TMEM132D: variants seen among roughly 807,000 people sequenced by gnomAD.
TMEM132D encodes the protein transmembrane protein 132D.
TMEM132D carries 21 observed loss-of-function variants against 62.3 expected under a neutral mutation model. The ratio of observed to expected loss-of-function variants is 0.34; its 90% CI spans 0.24 to 0.49. The LOEUF is 0.49. TMEM132D is among the 20% of genes least tolerant of loss of function. TMEM132D has a pLI of 0.99. For missense variants in TMEM132D, 1,346 were observed against 1,402.8 expected, an observed-to-expected ratio of 0.96 and a Z score of 0.65; for synonymous variants, 621 against 575.6, an observed-to-expected ratio of 1.08 and a Z score of -1.13.
At chr12:129,167,060 T>C (rs886283208) in intron 5 of TMEM132D, among the ~76,000 whole-genome samples, 1 of 151,002 alleles carries the variant, frequency 6.6e-6, no homozygotes, top group African/African-American at 2.4e-5. Context: ...CTTTGGAGGC[T>C]GAGGTGGGAG....
At chr12:129,543,355 T>TG (rs1193590091) in intron 2 of TMEM132D, among the ~76,000 whole-genome samples, 2 of 147,662 alleles carry the variant, frequency 1.4e-5, no homozygotes, top group African/African-American at 5.1e-5. Flanking sequence ...GGTGGATGAG[T>TG]GGGTGGATGG....
In TMEM132D at chr12:129,321,562, C is replaced by CTT. The variant is rs796228512; in HGVS notation, c.1299+16070_1299+16071dup. Among the ~76,000 whole-genome samples the CTT allele has an allele frequency of 1.4e-3, 203 of 145,908 alleles. 1 individual carries two copies. The highest frequency in any genetic ancestry group is 4.8e-3 in the African/African-American group (191 of 40,126). On this transcript the variant is annotated intron_variant, in intron 4 of 8. Transcript: ENST00000422113. ...GACCATGGCATGAGGCAGATCTTTT[C>CTT]TTTTTTTTTTTTGAGACGGAGTCTC...
intron 2 of TMEM132D, among the ~76,000 whole-genome samples, chr12:129,636,847 T>C (rs1299796860): frequency 3.3e-5 from 5 of 152,062 alleles, no homozygotes; most frequent in Non-Finnish European, 7.4e-5. Flanking sequence ...GAGTGAATTT[T>C]TCTCCATATT....
chr12:129,108,229 C>T (rs1482574019), intron 5 of TMEM132D, among the ~76,000 whole-genome samples: 2 of 152,208 alleles, frequency 1.3e-5, no homozygotes, highest in African/African-American at 4.8e-5. Context: ...CACAGACCTT[C>T]CACCCATCTT....
chr12:129,272,980 G>T (rs1217702183), intron 4 of TMEM132D, among the ~76,000 whole-genome samples: 1 of 151,794 alleles, frequency 6.6e-6, no homozygotes, highest in Non-Finnish European at 1.5e-5. Context: ...TGGATCACTT[G>T]AGGTCAGGAG....
chr12:129,283,763 A>G (rs1881221881), intron 4 of TMEM132D, among the ~76,000 whole-genome samples: 1 of 152,134 alleles, frequency 6.6e-6, no homozygotes, highest in African/African-American at 2.4e-5. Context: ...AGACAGAGGC[A>G]TTTTGTCCAA....
intron 5 of TMEM132D, among the ~76,000 whole-genome samples, chr12:129,145,218 A>T (rs938562760): frequency 6.6e-6 from 1 of 152,002 alleles, no homozygotes; most frequent in South Asian, 2.1e-4. Context: ...TTTTCATTTC[A>T]TTGTGTTCTC....
At chr12:129,655,273 G>A (rs1178576561) in intron 2 of TMEM132D, among the ~76,000 whole-genome samples, 1 of 141,742 alleles carries the variant, frequency 7.1e-6, no homozygotes, top group Non-Finnish European at 1.5e-5. Context: ...TTGAGAATGA[G>A]TCTCACTCTG....
intron 3 of TMEM132D, among the ~76,000 whole-genome samples, chr12:129,524,937 T>C (rs1875973013): frequency 7.8e-6 from 1 of 127,436 alleles, no homozygotes; most frequent in Non-Finnish European, 1.7e-5. Context: ...CTTTTTTTTT[T>C]TTTTTTTGAG....
At chr12:129,518,018 C>A (rs1328678394) in intron 3 of TMEM132D, among the ~76,000 whole-genome samples, 1 of 151,978 alleles carries the variant, frequency 6.6e-6, no homozygotes, top group Admixed American at 6.5e-5. Context: ...ACTTAAATGC[C>A]AACACAAAAA....
chr12:129,824,914 C>A (rs1188379650), intron 1 of TMEM132D, among the ~76,000 whole-genome samples: 1 of 152,114 alleles, frequency 6.6e-6, no homozygotes, highest in Non-Finnish European at 1.5e-5. Flanking sequence ...GCTCTTTTTC[C>A]TTAAGGGATG....
intron 2 of TMEM132D, among the ~76,000 whole-genome samples, chr12:129,566,716 A>C (rs983024537): frequency 6.6e-6 from 1 of 152,188 alleles, no homozygotes; most frequent in Non-Finnish European, 1.5e-5. Flanking sequence ...TTCCTGATTG[A>C]GGAGAGAATT....
At chr12:129,891,571 G>GC (rs1874926253) in intron 1 of TMEM132D, among the ~76,000 whole-genome samples, 1 of 152,158 alleles carries the variant, frequency 6.6e-6, no homozygotes, top group Admixed American at 6.5e-5. Flanking sequence ...AGCCCTTTCA[G>GC]GAAAGAACTT....
At chr12:129,678,870 A>G (rs866764512) in intron 2 of TMEM132D, among the ~76,000 whole-genome samples, 1 of 152,032 alleles carries the variant, frequency 6.6e-6, no homozygotes, top group Non-Finnish European at 1.5e-5. Context: ...GTCATTTTTG[A>G]AAAATATATT....
At chr12:129,329,099 C>G (rs905097990) in intron 4 of TMEM132D, among the ~76,000 whole-genome samples, 2 of 151,588 alleles carry the variant, frequency 1.3e-5, no homozygotes, top group Admixed American at 6.6e-5. Flanking sequence ...GCTGCAGGTA[C>G]CATGGCTGAT....
chr12:129,569,356 CA>C (rs149422581), intron 2 of TMEM132D, among the ~76,000 whole-genome samples: 5,646 of 151,730 alleles, frequency 0.037, 336 homozygotes, highest in African/African-American at 0.12. Context: ...TGCACAGGTA[CA>C]AAAAAAATGG....
intron 1 of TMEM132D, chr12:129,853,504 C>T (rs1873612052): frequency 6.6e-6 from 1 of 152,194 alleles, no homozygotes; most frequent in African/African-American, 2.4e-5. Flanking sequence ...GTTTACCTCC[C>T]TCTGCTTTAG....
At chr12:129,079,226 G>A (rs574526093) in intron 7 of TMEM132D, among the ~76,000 whole-genome samples, 301 of 152,266 alleles carry the variant, frequency 2.0e-3, no homozygotes, top group Middle Eastern at 0.014. Context: ...ACTAGAAGGC[G>A]GATCCTGCTG....
chr12:129,364,220 T>A (rs1870335852), intron 3 of TMEM132D, among the ~76,000 whole-genome samples: 1 of 152,210 alleles, frequency 6.6e-6, no homozygotes, highest in African/African-American at 2.4e-5. Flanking sequence ...ATACAATACT[T>A]AACTCCTTGA....
Sources: gnomAD v4.1 joint callset for allele counts (sites outside exome capture counted in the v4.1 genomes callset) on GRCh38, gnomAD v4.1.1 for gene constraint, MANE v1.5 for transcripts, NCBI Gene and HGNC (gene_info 2026-07-23, HGNC 2026-07-21) for gene names.